Variants in ZNF138 observed in about 807,000 individuals in gnomAD.
ZNF138 encodes zinc finger protein 138.
ZNF138 carries 33 observed loss-of-function variants against 33.0 expected under a neutral mutation model. That is an observed-to-expected ratio of 1.00 (90% CI 0.76 to 1.34). ZNF138 has a LOEUF of 1.34. Among genes scored for constraint, ZNF138 ranks in the 40% most tolerant of loss-of-function variants. The pLI, the probability that ZNF138 is intolerant of heterozygous loss-of-function variation, is 0.00. For synonymous variants in ZNF138, 139 were observed against 120.4 expected, an observed-to-expected ratio of 1.15 and a Z score of -1.01; for missense variants, 360 against 370.8, an observed-to-expected ratio of 0.97 and a Z score of 0.24.
Position 64,831,516 on chromosome 7 carries a change from G to C in ZNF138, c.274G>C (p.Val92Leu). 1 of 1,608,370 alleles carries C rather than the reference G, an allele frequency of 6.2e-7. No homozygotes were observed. Among genetic ancestry groups the C allele is most frequent in the South Asian group, 1.1e-5 (1 of 89,442 alleles). The change falls in exon 4 of 4, where the codon GTG becomes CTG. Residue 92 changes from valine (V) to leucine (L), a missense_variant. Physicochemically the swap from Val to Leu is conservative, Grantham distance 32. Coordinates refer to ENST00000307355, the MANE Select transcript of ZNF138 (RefSeq NM_001271639.2). Reference protein sequence around the residue: ...EQNIKDSFQKVTLSRYGKYGH... With the variant: ...EQNIKDSFQKLTLSRYGKYGH... ...GAACATAAAAGATTCTTTCCAAAAA[G>C]TGACACTGAGCAGATATGGAAAATA...
intron 3 of ZNF138, among the ~76,000 whole-genome samples, chr7:64,825,267 G>A (rs1365026424): frequency 2.9e-5 from 4 of 136,214 alleles, no homozygotes; most frequent in African/African-American, 1.1e-4. Context: ...CTGCCTCCCG[G>A]GTTCACGCCA....
Position 64,826,630 on chromosome 7 carries a change from C to G in ZNF138, c.209-4821C>G, listed in dbSNP as rs550074025. ...ATTAATATATTAATATTTCATTTAA[C>G]CTTTTTTTAAAATTTTTTTTTAGAC... is the stretch of plus-strand genomic sequence containing the variant. On this transcript the variant is annotated intron_variant, in intron 3 of 3. Coordinates refer to ENST00000307355, the MANE Select transcript of ZNF138 (RefSeq NM_001271639.2). Among the ~76,000 whole-genome samples, 16 of 150,888 alleles carry G rather than the reference C, an allele frequency of 1.1e-4. 1 individual carries two copies. In the East Asian group the frequency reaches 3.2e-3, roughly 30 times the overall value.
At chr7:64,811,463 G>A (rs1019656323) in intron 1 of ZNF138, among the ~76,000 whole-genome samples, 3 of 151,828 alleles carry the variant, frequency 2.0e-5, no homozygotes, top group African/African-American at 4.8e-5. Context: ...CTCCTACCTC[G>A]GCCTCCTGAG....
In ZNF138 at chr7:64,794,443, GTGCTGCAGGTC is replaced by G. The variant is rs77530786; in HGVS notation, c.-123_-113del. The G allele has an allele frequency of 0.05, 69,006 of 1,383,624 alleles. 3,126 individuals are homozygous for G. Among genetic ancestry groups the G allele is most frequent in the East Asian group, 0.23 (9,496 of 41,658 alleles). The allele number at this position is 1,383,624 out of a possible 1,614,324, so 85.7% of individuals were successfully genotyped here. A position where few individuals can be genotyped will look rare whatever the true frequency, so the allele number is the denominator to read the frequency against. On this transcript the variant is annotated 5_prime_UTR_variant, in exon 1 of 4. Coordinates refer to ENST00000307355, the MANE Select transcript of ZNF138 (RefSeq NM_001271639.2). ...CGGGGTCTTTGTCTCGCTGCAGCGG[GTGCTGCAGGTC>G]TGGCCTTCACTTTTCTGCGTCCTCT...
the ZNF138 span, chr7:64,852,583 A>C: frequency 1.3e-6 from 2 of 1,541,660 alleles, no homozygotes; most frequent in Non-Finnish European, 1.8e-6. Flanking sequence ...CTGTTTGCTC[A>C]CATGGTAAAC....
chr7:64,821,041 T>TTG (rs1562913068), intron 3 of ZNF138, among the ~76,000 whole-genome samples: 1 of 54,540 alleles, frequency 1.8e-5, no homozygotes, highest in East Asian at 7.0e-4. Context: ...GATTGTTTTT[T>TTG]TTTGTTTTGT....
At chr7:64,821,823 G>A (rs529539059) in intron 3 of ZNF138, among the ~76,000 whole-genome samples, 7 of 151,512 alleles carry the variant, frequency 4.6e-5, no homozygotes, top group African/African-American at 1.2e-4. Flanking sequence ...GGGATTACAG[G>A]CATGAGCCAT....
Position 64,831,991 on chromosome 7 carries a change from C to G in ZNF138, c.749C>G (p.Pro250Arg). 7 of 1,613,516 alleles carry G rather than the reference C, an allele frequency of 4.3e-6. No individual in the cohort carries two copies. Among genetic ancestry groups the G allele is most frequent in the Non-Finnish European group, 5.9e-6 (7 of 1,179,782 alleles). Residue 250 changes from proline (P) to arginine (R), a missense_variant, in exon 4 of 4, where the codon CCC (proline) becomes CGC (arginine). Coordinates refer to ENST00000307355, the MANE Select transcript of ZNF138 (RefSeq NM_001271639.2). ...AAGATAATTCGTACTGGAGAAAAAC[C>G]CTATAAATGTGCACACTGTGGCAAA... The part of the protein sequence containing the change: ...KHKIIRTGEK[P>R]YKCAHCGKAF...
rs1349856091 is a variant in ZNF138, at chr7:64,805,408, A to AAACAAAAC, written c.4-9503_4-9502insCAACAAAA. On this transcript the variant is annotated intron_variant, in intron 1 of 3. Transcript: ENST00000307355. Reference sequence around the variant, plus strand: ...AGCAAGACTCTGTCTCAAAAAAACAAAACAAAAAAAAAAACTGAGGCTGAA... The same window carrying AAACAAAAC: ...AGCAAGACTCTGTCTCAAAAAAACAAAACAAAACAACAAAAAAAAAAACTGAGGCTGAA... 5.8e-4 allele frequency among the ~76,000 whole-genome samples: 10 copies of AAACAAAAC among 17,228 alleles called. No individual in the cohort carries two copies. In the East Asian group the frequency reaches 0.014, roughly 24 times the overall value. 11.3% of individuals were successfully genotyped at this position (17,228 alleles called of 152,430 possible).
chr7:64,835,315 G>A (rs565328002), downstream of ZNF138: 6 of 152,348 alleles, frequency 3.9e-5, no homozygotes, highest in East Asian at 9.7e-4. Context: ...GTGTCACTGG[G>A]GAGAGGGCCT....
chr7:64,822,173 C>T (rs1400552523), intron 3 of ZNF138, among the ~76,000 whole-genome samples: 3 of 151,508 alleles, frequency 2.0e-5, no homozygotes, highest in East Asian at 3.9e-4. Context: ...CCCACCTTGG[C>T]CTCCCAAAGT....
rs879246061 is a variant in ZNF138 at position 64,814,923 on chromosome 7, A to G, written c.9A>G (p.Pro3=). ...TGTGTGTGCGTGTTTTTCAGGGACC[A>G]CTGACATTTATGGATGTGGCCATAG... MG[P]LTFMDVAIEF... The change falls in exon 2 of 4, where the codon CCA becomes CCG. Residue 3 remains proline (P), a synonymous_variant. Coordinates refer to ENST00000307355, the MANE Select transcript of ZNF138 (RefSeq NM_001271639.2). 3 of 1,612,854 alleles carry G rather than the reference A, an allele frequency of 1.9e-6. No homozygotes were observed. The South Asian group carries it at 3.3e-5, about 18-fold the overall frequency.
At chr7:64,794,616 G>A (rs1327738551) in intron 1 of ZNF138, 45 bp downstream of exon 1, 1 of 1,612,650 alleles carries the variant, frequency 6.2e-7, no homozygotes, top group Non-Finnish European at 8.5e-7. Flanking sequence ...GGAGGGAGCT[G>A]GTTGGAACCG....
At chr7:64,812,725 TAGC>T (rs1184174935) in intron 1 of ZNF138, among the ~76,000 whole-genome samples, 2 of 152,032 alleles carry the variant, frequency 1.3e-5, no homozygotes, top group Admixed American at 6.6e-5. Context: ...ACTGTGGTGG[TAGC>T]AGGTAAACAG....
downstream of ZNF138, among the ~76,000 whole-genome samples, chr7:64,834,711 G>A (rs1360005557): frequency 6.6e-6 from 1 of 152,128 alleles, no homozygotes; most frequent in Non-Finnish European, 1.5e-5. Flanking sequence ...TTACAATGTA[G>A]GATGCATGAC....
At chr7:64,850,494 A>T in the ZNF138 span, among the ~76,000 whole-genome samples, 1,945 of 152,298 alleles carry the variant, frequency 0.013, 34 homozygotes, top group African/African-American at 0.044. Flanking sequence ...AGGGGTTTTT[A>T]AATTTCTCTT....
intron 1 of ZNF138, among the ~76,000 whole-genome samples, chr7:64,805,291 C>G (rs1407308602): frequency 2.0e-5 from 3 of 151,788 alleles, no homozygotes; most frequent in Non-Finnish European, 1.5e-5. Flanking sequence ...CTCAGCTACT[C>G]AGGAGGCTGA....
At chr7:64,846,508 T>A in the ZNF138 span, among the ~76,000 whole-genome samples, 29 of 152,320 alleles carry the variant, frequency 1.9e-4, no homozygotes, top group African/African-American at 6.7e-4. Flanking sequence ...CCAAGTATTT[T>A]GTATTTTTAT....
chr7:64,804,177 G>A (rs62456803), intron 1 of ZNF138, among the ~76,000 whole-genome samples: 6,981 of 152,296 alleles, frequency 0.046, 203 homozygotes, highest in East Asian at 0.13. Context: ...CAGGCAGACA[G>A]CCCGGCGCCA....
Sources: gnomAD v4.1 joint callset for allele counts (sites outside exome capture counted in the v4.1 genomes callset) on GRCh38, gnomAD v4.1.1 for gene constraint, MANE v1.5 for transcripts, NCBI Gene and HGNC (gene_info 2026-07-23, HGNC 2026-07-21) for gene names.